The following INPP4B variants were observed in gnomAD, a reference collection of about 807,000 sequenced individuals.
The protein encoded by INPP4B is inositol polyphosphate 4-phosphatase type II.
Under a neutral mutation model 122.5 loss-of-function variants are expected in INPP4B, and 55 were observed. The ratio of observed to expected loss-of-function variants is 0.45; its 90% confidence interval spans 0.36 to 0.56. The LOEUF (loss-of-function observed/expected upper bound fraction) is 0.56. Ranked by LOEUF, INPP4B falls within the 20% of genes least tolerant of loss-of-function variation. The pLI is 0.00. For missense variants in INPP4B, 1,000 were observed against 1,097.7 expected (o/e 0.91, Z 1.26); for synonymous variants, 403 against 388.7 (o/e 1.04, Z -0.43).
At chr4:142,624,696 C>G (rs1461988005) in intron 2 of INPP4B, among the ~76,000 whole-genome samples, 1 of 152,098 alleles carries the variant, frequency 6.6e-6, no homozygotes, top group Non-Finnish European at 1.5e-5. Context: ...AATTTTAGAC[C>G]AATATCCTTG....
At chr4:142,737,905 T>C (rs961217592) in intron 1 of INPP4B, among the ~76,000 whole-genome samples, 29 of 152,118 alleles carry the variant, frequency 1.9e-4, no homozygotes, top group South Asian at 2.1e-4. Flanking sequence ...AAAACCACGA[T>C]GAGATACCAT....
At chr4:142,595,218 G>A (rs981989803) in intron 2 of INPP4B, among the ~76,000 whole-genome samples, 20 of 151,826 alleles carry the variant, frequency 1.3e-4, no homozygotes, top group African/African-American at 4.6e-4. Context: ...TACTCTCTTA[G>A]TGGTATTTCC....
chr4:142,468,172 T>A (rs975628997), intron 2 of INPP4B: 5 of 152,116 alleles, frequency 3.3e-5, no homozygotes, highest in African/African-American at 1.2e-4. Context: ...TTTCATAACA[T>A]CCTTTTTATT....
At chr4:142,676,050 T>C (rs991248365) in intron 2 of INPP4B, among the ~76,000 whole-genome samples, 3 of 152,140 alleles carry the variant, frequency 2.0e-5, no homozygotes, top group African/African-American at 7.2e-5. Context: ...AGAGAGGAAG[T>C]CAAATTGTCT....
chr4:142,719,471 C>T (rs13135210), intron 2 of INPP4B, among the ~76,000 whole-genome samples: 4,044 of 151,798 alleles, frequency 0.027, 62 homozygotes, highest in South Asian at 0.05. Flanking sequence ...ACTACAGGTG[C>T]CCGTCACATG....
chr4:142,398,151 G>A (rs566133300), intron 7 of INPP4B, among the ~76,000 whole-genome samples: 200 of 151,150 alleles, frequency 1.3e-3, no homozygotes, highest in African/African-American at 3.9e-3. Flanking sequence ...CGAGGCCGGC[G>A]GATCACGAGG....
intron 1 of INPP4B, among the ~76,000 whole-genome samples, chr4:142,827,452 T>C (rs1007537851): frequency 5.3e-5 from 8 of 152,158 alleles, no homozygotes; most frequent in Admixed American, 4.6e-4. Context: ...AATAATTTGT[T>C]ACCATTCACC....
intron 14 of INPP4B, among the ~76,000 whole-genome samples, chr4:142,203,070 A>G (rs1335979047): frequency 1.3e-5 from 2 of 152,158 alleles, no homozygotes; most frequent in Non-Finnish European, 2.9e-5. Context: ...GTGAAACTCC[A>G]TTGATTCAGC....
intron 1 of INPP4B, among the ~76,000 whole-genome samples, chr4:142,800,669 T>G (rs1777886752): frequency 6.6e-6 from 1 of 152,196 alleles, no homozygotes; most frequent in Non-Finnish European, 1.5e-5. Context: ...TTAGTTAGCT[T>G]ATAACCCTAA....
chr4:142,418,919 A>G (rs925821138), intron 5 of INPP4B, among the ~76,000 whole-genome samples: 1 of 152,174 alleles, frequency 6.6e-6, no homozygotes. Context: ...CTGCTGGCGC[A>G]GGTGAGAGTT....
chr4:142,633,986 G>A (rs75368257), intron 2 of INPP4B, among the ~76,000 whole-genome samples: 3,782 of 151,506 alleles, frequency 0.025, 71 homozygotes, highest in Non-Finnish European at 0.041. Context: ...TGATCACACC[G>A]CTGCACTCCA....
intron 11 of INPP4B, among the ~76,000 whole-genome samples, chr4:142,242,821 C>A (rs1258170501): frequency 6.6e-6 from 1 of 152,208 alleles, no homozygotes; most frequent in East Asian, 1.9e-4. Context: ...TTCTTACCAA[C>A]TGTACTACAG....
intron 1 of INPP4B, among the ~76,000 whole-genome samples, chr4:142,728,924 T>C (rs1294407441): frequency 6.7e-6 from 1 of 148,590 alleles, no homozygotes; most frequent in Non-Finnish European, 1.5e-5. Context: ...GGCTTCTATC[T>C]AGACTCTGAT....
intron 1 of INPP4B, among the ~76,000 whole-genome samples, chr4:142,744,911 G>A (rs1291259147): frequency 6.6e-5 from 10 of 151,518 alleles, no homozygotes; most frequent in Non-Finnish European, 1.0e-4. Context: ...AGCAATAATC[G>A]TTTCACAAGG....
chr4:142,563,252 G>A (rs190004132), intron 2 of INPP4B, among the ~76,000 whole-genome samples: 44 of 152,308 alleles, frequency 2.9e-4, no homozygotes, highest in Non-Finnish European at 5.7e-4. Context: ...GTCCACTGTC[G>A]TACTTAGAGT....
chr4:142,384,348 T>G (rs776951709), intron 7 of INPP4B, among the ~76,000 whole-genome samples: 2 of 152,318 alleles, frequency 1.3e-5, no homozygotes, highest in Admixed American at 6.5e-5. Flanking sequence ...ATTTTGTCAT[T>G]GTGTGAACTT....
chr4:142,754,104 C>T (rs1020447097), intron 1 of INPP4B, among the ~76,000 whole-genome samples: 2 of 151,962 alleles, frequency 1.3e-5, no homozygotes, highest in African/African-American at 2.4e-5. Context: ...CCGTAGATGC[C>T]AATTGTGCTT....
At chr4:142,835,931 T>G (rs1421078937) in intron 1 of INPP4B, among the ~76,000 whole-genome samples, 1 of 152,146 alleles carries the variant, frequency 6.6e-6, no homozygotes, top group East Asian at 1.9e-4. Context: ...CATGAATGAT[T>G]GAAGCTAACG....
chr4:142,752,279 AG>A (rs1046992194), intron 1 of INPP4B, among the ~76,000 whole-genome samples: 80 of 152,212 alleles, frequency 5.3e-4, no homozygotes, highest in African/African-American at 1.9e-3. Context: ...CTCACAGGCA[AG>A]GGGATGTGGG....
Sources: allele counts gnomAD v4.1 joint callset (sites outside exome capture counted in the v4.1 genomes callset), GRCh38; gene constraint gnomAD v4.1.1; transcripts MANE v1.5; gene names NCBI Gene and HGNC (gene_info 2026-07-23, HGNC 2026-07-21).